The following RIMS1 variants were observed in gnomAD, a reference collection of about 807,000 sequenced individuals.
RIMS1 encodes regulating synaptic membrane exocytosis protein 1.
A neutral mutation model predicts 214.1 loss-of-function variants in RIMS1; 83 were observed. That is an observed-to-expected ratio of 0.39 (90% confidence interval 0.32 to 0.47). The LOEUF (loss-of-function observed/expected upper bound fraction) is 0.47, where lower values mean the gene tolerates loss of function less well. Among genes scored for constraint, RIMS1 ranks in the 20% least tolerant of loss-of-function variants. RIMS1 has a pLI of 0.99. For missense variants in RIMS1, 2,050 were observed against 2,161.8 expected (o/e 0.95, Z 1.03); for synonymous variants, 793 against 786.8 (o/e 1.01, Z -0.13).
chr6:72,192,610 T>C (rs946327587), intron 6 of RIMS1, among the ~76,000 whole-genome samples: 6 of 152,220 alleles, frequency 3.9e-5, no homozygotes, highest in African/African-American at 1.4e-4. Context: ...CTAGGAACAC[T>C]GTGATTAATT....
chr6:71,988,191 C>G (rs893082236), intron 2 of RIMS1, among the ~76,000 whole-genome samples: 8 of 152,014 alleles, frequency 5.3e-5, no homozygotes, highest in Non-Finnish European at 8.8e-5. Flanking sequence ...TTTCAGTTGA[C>G]ATCAAGATTC....
At chr6:72,187,416 G>A (rs1371125634) in intron 6 of RIMS1, among the ~76,000 whole-genome samples, 1 of 150,940 alleles carries the variant, frequency 6.6e-6, no homozygotes, top group Admixed American at 6.6e-5. Flanking sequence ...TTTCCCTGAG[G>A]TAATAAAGTA....
At chr6:72,156,473 A>C (rs115855744) in intron 4 of RIMS1, among the ~76,000 whole-genome samples, 2,830 of 140,208 alleles carry the variant, frequency 0.02, 241 homozygotes, top group African/African-American at 0.065. Context: ...GGCCTGGGGG[A>C]TGAAGGAAAT....
chr6:72,316,727 G>A (rs781612343), intron 28 of RIMS1: 8 of 653,048 alleles, frequency 1.2e-5, no homozygotes, highest in Non-Finnish European at 2.4e-5. Flanking sequence ...TCCCAGAGCA[G>A]CCTGGGGGCC....
intron 4 of RIMS1, among the ~76,000 whole-genome samples, chr6:72,114,044 T>C (rs183234082): frequency 6.6e-6 from 1 of 152,054 alleles, no homozygotes; most frequent in Non-Finnish European, 1.5e-5. Context: ...CTTTAATGCA[T>C]CTCAAAGTTA....
chr6:72,225,191 G>GT (rs1160932378), intron 6 of RIMS1, among the ~76,000 whole-genome samples: 2 of 151,630 alleles, frequency 1.3e-5, no homozygotes, highest in Non-Finnish European at 2.9e-5. Context: ...GTCAAAACTT[G>GT]TTTATATTAC....
chr6:72,001,504 C>T (rs918495941), intron 2 of RIMS1, among the ~76,000 whole-genome samples: 4 of 152,054 alleles, frequency 2.6e-5, no homozygotes, highest in Non-Finnish European at 5.9e-5. Context: ...TCTCCCTACT[C>T]ACCCCCTGCC....
intron 2 of RIMS1, among the ~76,000 whole-genome samples, chr6:71,981,847 A>G (rs1798573813): frequency 6.6e-6 from 1 of 151,704 alleles, no homozygotes; most frequent in Non-Finnish European, 1.5e-5. Flanking sequence ...TGCAGTGTTC[A>G]CCTCTTGAAG....
At chr6:72,344,814 C>T (rs1279371294) in intron 29 of RIMS1, among the ~76,000 whole-genome samples, 6 of 151,638 alleles carry the variant, frequency 4.0e-5, no homozygotes, top group Admixed American at 4.0e-4. Context: ...TCCAGCTGGT[C>T]TATGTTTGTT....
chr6:72,200,183 G>T (rs1441684413), intron 6 of RIMS1, among the ~76,000 whole-genome samples: 2 of 152,046 alleles, frequency 1.3e-5, no homozygotes, highest in Non-Finnish European at 2.9e-5. Context: ...GGGTTCACAT[G>T]GAACTGTAAA....
intron 1 of RIMS1, among the ~76,000 whole-genome samples, chr6:71,902,547 T>C (rs1773979878): frequency 1.3e-5 from 2 of 152,070 alleles, no homozygotes; most frequent in African/African-American, 4.8e-5. Flanking sequence ...TCAACAGTTA[T>C]TTTAAGTTCT....
At chr6:72,237,703 A>T in intron 8 of RIMS1, 120 bp from the exon 9 acceptor site, 1 of 737,020 alleles carries the variant, frequency 1.4e-6, no homozygotes, top group Admixed American at 2.7e-5. Flanking sequence ...GCTTCACTTC[A>T]TTAATGTTTC....
At chr6:72,353,736 G>C (rs999871799) in intron 29 of RIMS1, among the ~76,000 whole-genome samples, 14 of 152,050 alleles carry the variant, frequency 9.2e-5, no homozygotes, top group South Asian at 6.2e-4. Flanking sequence ...ACTACTTCTG[G>C]CTTGTTTATG....
intron 18 of RIMS1, among the ~76,000 whole-genome samples, chr6:72,259,563 T>A (rs928091842): frequency 2.6e-5 from 4 of 152,180 alleles, no homozygotes; most frequent in Non-Finnish European, 5.9e-5. Flanking sequence ...TCAATAATAA[T>A]GTTTCTGTTA....
At chr6:72,311,148 A>G (rs2154292021) in intron 27 of RIMS1, among the ~76,000 whole-genome samples, 1 of 152,316 alleles carries the variant, frequency 6.6e-6, no homozygotes, top group South Asian at 2.1e-4. Flanking sequence ...TATCAGCACA[A>G]TGCTAACACC....
intron 29 of RIMS1, 132 bp from the exon 30 acceptor site, chr6:72,390,466 C>T: frequency 1.9e-6 from 2 of 1,066,118 alleles, no homozygotes; most frequent in Non-Finnish European, 2.7e-6. Flanking sequence ...AAAGTACTCC[C>T]TTAGGTTACT....
At chr6:72,044,997 ATACTAC>A (rs1457082924) in intron 2 of RIMS1, among the ~76,000 whole-genome samples, 3 of 151,968 alleles carry the variant, frequency 2.0e-5, no homozygotes, top group Non-Finnish European at 4.4e-5. Context: ...TGGTATATCT[ATACTAC>A]TACTAGTAAG....
At chr6:72,035,030 G>A (rs963774626) in intron 2 of RIMS1, among the ~76,000 whole-genome samples, 1 of 152,068 alleles carries the variant, frequency 6.6e-6, no homozygotes, top group Non-Finnish European at 1.5e-5. Context: ...ACAGCTGAGA[G>A]CCATACTGCT....
At chr6:72,120,111 CAT>C (rs2037948773) in intron 4 of RIMS1, among the ~76,000 whole-genome samples, 2 of 151,940 alleles carry the variant, frequency 1.3e-5, no homozygotes, top group South Asian at 4.2e-4. Flanking sequence ...TCCCAATAAA[CAT>C]ATGTGTGCAT....
Sources: allele counts gnomAD v4.1 joint callset (sites outside exome capture counted in the v4.1 genomes callset), GRCh38; gene constraint gnomAD v4.1.1; transcripts MANE v1.5; gene names NCBI Gene and HGNC (gene_info 2026-07-23, HGNC 2026-07-21).